The following PPIH variants were observed in gnomAD, a reference collection of about 807,000 sequenced individuals.
PPIH encodes peptidylprolyl isomerase H, also known as peptidyl-prolyl cis-trans isomerase H.
In PPIH, 16 loss-of-function variants were observed where a neutral mutation model predicts 27.6. The ratio of observed to expected loss-of-function variants is 0.58; its 90% CI spans 0.39 to 0.88. The LOEUF (loss-of-function observed/expected upper bound fraction) is 0.88. Among genes scored for constraint, PPIH ranks in the 40% least tolerant of loss-of-function variants. PPIH has a pLI of 0.00. For missense variants in PPIH, 155 were observed against 224.1 expected, an observed-to-expected ratio of 0.69 and a Z score of 1.97; for synonymous variants, 63 against 76.1, an observed-to-expected ratio of 0.83 and a Z score of 0.90.
intron 9 of PPIH, among the ~76,000 whole-genome samples, chr1:42,674,827 G>T (rs1275547674): frequency 6.6e-6 from 1 of 152,168 alleles, no homozygotes; most frequent in Admixed American, 6.5e-5. Context: ...GACACTGTAT[G>T]TTCCCTGTCC....
rs746429000 is a variant in PPIH at position 42,667,452 on chromosome 1, T to C, written c.*21+12T>C. ...AAAGACTGAATCAGGTAAGTGTGTC[T>C]TTCTCCTATTAGGTTAGGAATCAGA... On this transcript the variant is annotated intron_variant, in intron 9 of 9. Coordinates refer to ENST00000304979, the MANE Select transcript of PPIH (RefSeq NM_006347.4). 3.9e-6 allele frequency: 6 copies of C among 1,545,536 alleles called. No individual in the cohort carries two copies. The highest frequency in any genetic ancestry group is 2.2e-5 in the East Asian group (1 of 44,504).
chr1:42,660,882 T>C lies in PPIH; in HGVS notation c.221T>C (p.Ile74Thr), dbSNP rs1460727525. Residue 74 changes from isoleucine (I) to threonine (T), a missense_variant, in exon 5 of 10, where the codon ATT (isoleucine) becomes ACT (threonine). Transcript: ENST00000304979. ...TFHRVIKDFM[I>T]QGGDFVNGDG... is the part of the protein sequence containing the mutation. ...TTCAGGGTCATAAAGGATTTCATGA[T>C]TCAGGGTGGAGATTTTGTTAATGTA... The C allele has an allele frequency of 6.2e-7, 1 of 1,610,884 alleles. No individual in the cohort carries two copies. Among genetic ancestry groups the C allele is most frequent in the Non-Finnish European group, 8.5e-7 (1 of 1,178,006 alleles).
At chr1:42,666,187 T>C (rs1458744240) in intron 7 of PPIH, 120 bp downstream of exon 7, 18 of 936,466 alleles carry the variant, frequency 1.9e-5, no homozygotes, top group South Asian at 4.4e-5. Flanking sequence ...TAGGTGGTAA[T>C]AGAGAAAACA....
chr1:42,671,059 G>A (rs1361698485), intron 9 of PPIH, among the ~76,000 whole-genome samples: 1 of 152,134 alleles, frequency 6.6e-6, no homozygotes, highest in Non-Finnish European at 1.5e-5. Context: ...GCCTCCCAAA[G>A]TGCTGGGATT....
intron 1 of PPIH, 100 bp downstream of exon 1, chr1:42,658,612 A>G (rs1257547369): frequency 2.1e-6 from 3 of 1,399,338 alleles, no homozygotes; most frequent in Non-Finnish European, 3.0e-6. Context: ...GAAGCCAGCC[A>G]GAAAGTGAAA....
chr1:42,667,591 A>G (rs1040825680), intron 9 of PPIH, among the ~76,000 whole-genome samples, 151 bp downstream of exon 9: 1 of 152,206 alleles, frequency 6.6e-6, no homozygotes, highest in African/African-American at 2.4e-5. Context: ...CTCTGAGCAC[A>G]TTTCCTCATC....
At chr1:42,678,022 T>G (rs962750010), downstream of PPIH, among the ~76,000 whole-genome samples, 1 of 152,208 alleles carries the variant, frequency 6.6e-6, no homozygotes, top group Non-Finnish European at 1.5e-5. Context: ...GTTGTTTCAG[T>G]GTATCAGATG....
intron 7 of PPIH, 67 bp downstream of exon 7, chr1:42,666,134 G>T (rs978005287): frequency 2.8e-6 from 4 of 1,453,602 alleles, no homozygotes; most frequent in Non-Finnish European, 3.9e-6. Flanking sequence ...AGAGGAGTTA[G>T]TTCTCAAACT....
intron 9 of PPIH, among the ~76,000 whole-genome samples, chr1:42,669,144 A>G (rs908147059): frequency 4.7e-5 from 7 of 149,408 alleles, no homozygotes; most frequent in Admixed American, 4.0e-4. Flanking sequence ...CAGGAGTTTG[A>G]GGCTGCAGTG....
At chr1:42,670,831 T>C (rs1316072778) in intron 9 of PPIH, among the ~76,000 whole-genome samples, 1 of 152,202 alleles carries the variant, frequency 6.6e-6, no homozygotes, top group African/African-American at 2.4e-5. Flanking sequence ...AGTCTCGCTC[T>C]GTCGCCCAGG....
downstream of PPIH, among the ~76,000 whole-genome samples, chr1:42,677,837 AAAG>A (rs1424468133): frequency 2.4e-4 from 37 of 152,320 alleles, no homozygotes; most frequent in African/African-American, 8.2e-4. Flanking sequence ...TTGAAGAGGC[AAAG>A]AAGAAAGTTC....
At chr1:42,663,526 G>A (rs1297907576) in intron 5 of PPIH, among the ~76,000 whole-genome samples, 2 of 151,884 alleles carry the variant, frequency 1.3e-5, no homozygotes, top group Non-Finnish European at 2.9e-5. Context: ...TCAGCCTCCC[G>A]AGTAGCTGGG....
chr1:42,670,664 T>C (rs558183477), intron 9 of PPIH, among the ~76,000 whole-genome samples: 3 of 152,226 alleles, frequency 2.0e-5, no homozygotes, highest in Admixed American at 6.5e-5. Flanking sequence ...GGACTGTCCA[T>C]AGGCTGTGAT....
At chr1:42,662,803 G>A (rs530425897) in intron 5 of PPIH, among the ~76,000 whole-genome samples, 1 of 152,148 alleles carries the variant, frequency 6.6e-6, no homozygotes, top group Non-Finnish European at 1.5e-5. Context: ...TTGGTTTACA[G>A]TTGTCAGTCT....
chr1:42,667,240 G>A (rs1649389076), intron 8 of PPIH, 111 bp from the exon 9 acceptor site: 1 of 913,092 alleles, frequency 1.1e-6, no homozygotes. Context: ...GACATGGACT[G>A]TTTCTGAGTG....
At position 42,660,877 on chromosome 1, in the gene PPIH, C is replaced by T. The variant is rs1648973228; in HGVS notation, c.216C>T (p.Phe72=). 6.2e-7 allele frequency: 1 copy of T among 1,609,590 alleles called. No individual in the cohort carries two copies. Residue 72 remains phenylalanine (F), a synonymous_variant, in exon 5 of 10, where the codon TTC becomes TTT. Transcript: ENST00000304979. ...TCTGTTTCAGGGTCATAAAGGATTT[C>T]ATGATTCAGGGTGGAGATTTTGTTA... is the stretch of plus-strand genomic sequence containing the variant. ...GSTFHRVIKD[F]MIQGGDFVNG... is the part of the protein sequence containing the mutation.
intron 9 of PPIH, among the ~76,000 whole-genome samples, chr1:42,672,403 A>G (rs775085429): frequency 5.3e-5 from 8 of 151,842 alleles, no homozygotes; most frequent in South Asian, 2.1e-4. Flanking sequence ...GACCAAGAGG[A>G]AGTACTCTCT....
chr1:42,672,438 C>A, intron 9 of PPIH, among the ~76,000 whole-genome samples: 1 of 151,478 alleles, frequency 6.6e-6, no homozygotes, highest in Admixed American at 6.6e-5. Context: ...CAGCAGGAAT[C>A]CATTGCATTC....
At chr1:42,670,783 T>C (rs1162413794) in intron 9 of PPIH, among the ~76,000 whole-genome samples, 1 of 152,066 alleles carries the variant, frequency 6.6e-6, no homozygotes, top group Non-Finnish European at 1.5e-5. Context: ...AACTGTTAAC[T>C]TTTTATTTTT....
Sources: allele counts gnomAD v4.1 joint callset (sites outside exome capture counted in the v4.1 genomes callset), GRCh38; gene constraint gnomAD v4.1.1; transcripts MANE v1.5; gene names NCBI Gene and HGNC (gene_info 2026-07-23, HGNC 2026-07-21).